Variants in MAPRE2 observed in about 807,000 individuals in gnomAD.
MAPRE2 encodes the protein microtubule associated protein RP/EB family member 2.
A neutral mutation model predicts 43.2 loss-of-function variants in MAPRE2; 13 were observed. That is an observed-to-expected ratio of 0.30 (90% CI 0.20 to 0.48). The LOEUF is 0.48. MAPRE2 is among the 20% of genes least tolerant of loss of function. The probability of loss-of-function intolerance (pLI) is 0.99; values close to 1 mark genes in which losing one functional copy is unlikely to be tolerated. For synonymous variants in MAPRE2, 135 were observed against 148.8 expected (o/e 0.91, Z 0.68); for missense variants, 161 against 400.2 (o/e 0.40, Z 5.10).
At chr18:35,021,092 CA>C in intron 2 of MAPRE2, among the ~76,000 whole-genome samples, 1 of 152,210 alleles carries the variant, frequency 6.6e-6, no homozygotes, top group African/African-American at 2.4e-5. Context: ...TAGGCCATCT[CA>C]AGGGGGCAGA....
chr18:35,041,745 C>G (rs1905380040), intron 1 of MAPRE2, 84 bp downstream of exon 1: 1 of 1,602,198 alleles, frequency 6.2e-7, no homozygotes, highest in Admixed American at 1.7e-5. Flanking sequence ...GGAGCAGACA[C>G]TGCCTGCGAC....
At chr18:34,984,244 G>T (rs1318318663) in intron 1 of MAPRE2, among the ~76,000 whole-genome samples, 2 of 152,126 alleles carry the variant, frequency 1.3e-5, no homozygotes, top group Non-Finnish European at 2.9e-5. Flanking sequence ...TATTGTAAGT[G>T]TTGCTTGTCA....
At chr18:35,118,077 G>T (rs1708332978) in intron 4 of MAPRE2, among the ~76,000 whole-genome samples, 1 of 152,088 alleles carries the variant, frequency 6.6e-6, no homozygotes, top group Non-Finnish European at 1.5e-5. Context: ...AAGTAACTCA[G>T]TATGTGAAGG....
intron 3 of MAPRE2, among the ~76,000 whole-genome samples, chr18:35,098,696 C>T (rs1569002820): frequency 6.6e-6 from 1 of 152,068 alleles, no homozygotes. Flanking sequence ...TATAATACCT[C>T]TTGTGTCTTT....
chr18:35,131,529 G>A (rs1289914526), intron 5 of MAPRE2, among the ~76,000 whole-genome samples: 1 of 152,086 alleles, frequency 6.6e-6, no homozygotes, highest in African/African-American at 2.4e-5. Flanking sequence ...CTGAAAGGAT[G>A]AATAAGCTCG....
chr18:35,071,723 C>T (rs1907125588), intron 2 of MAPRE2, among the ~76,000 whole-genome samples: 1 of 152,210 alleles, frequency 6.6e-6, no homozygotes, highest in Non-Finnish European at 1.5e-5. Context: ...GAGTCCAACA[C>T]CCACCAGTGT....
chr18:34,998,030 G>T (rs566575560), intron 1 of MAPRE2, among the ~76,000 whole-genome samples: 2 of 152,258 alleles, frequency 1.3e-5, no homozygotes, highest in South Asian at 4.1e-4. Flanking sequence ...CAGTGTAATT[G>T]GGGTATCGGC....
intron 1 of MAPRE2, among the ~76,000 whole-genome samples, chr18:35,057,805 A>G (rs943770485): frequency 3.9e-5 from 6 of 152,184 alleles, no homozygotes; most frequent in Non-Finnish European, 5.9e-5. Context: ...ATCATTTCAC[A>G]TGGGAAAAGA....
chr18:35,036,704 T>A, upstream of MAPRE2, among the ~76,000 whole-genome samples: 1 of 152,340 alleles, frequency 6.6e-6, no homozygotes, highest in Middle Eastern at 3.4e-3. Context: ...TAAGAAAACC[T>A]AATATCCAAT....
intron 2 of MAPRE2, among the ~76,000 whole-genome samples, chr18:35,089,534 C>T (rs1603399901): frequency 1.0e-5 from 1 of 96,100 alleles, no homozygotes; most frequent in Admixed American, 9.2e-5. Flanking sequence ...ATACAAATGG[C>T]CTAAAAAGCA....
At chr18:35,020,899 G>A (rs1217853227) in intron 2 of MAPRE2, among the ~76,000 whole-genome samples, 1 of 152,144 alleles carries the variant, frequency 6.6e-6, no homozygotes, top group African/African-American at 2.4e-5. Context: ...AATTGCCATT[G>A]CTGGCACAAG....
At chr18:35,047,720 A>G (rs901391235) in intron 1 of MAPRE2, among the ~76,000 whole-genome samples, 3 of 151,840 alleles carry the variant, frequency 2.0e-5, no homozygotes, top group African/African-American at 7.3e-5. Flanking sequence ...GTTACTTAAA[A>G]AAAAAAAAAA....
intron 2 of MAPRE2, among the ~76,000 whole-genome samples, chr18:35,073,694 C>A (rs1031742596): frequency 2.6e-5 from 4 of 152,076 alleles, no homozygotes; most frequent in African/African-American, 9.7e-5. Context: ...AAGAGATCTC[C>A]CTCCAGCTCA....
intron 2 of MAPRE2, among the ~76,000 whole-genome samples, chr18:35,080,424 C>T (rs1247778594): frequency 6.6e-6 from 1 of 152,154 alleles, no homozygotes; most frequent in Non-Finnish European, 1.5e-5. Context: ...TTTTTCTCAG[C>T]TTACCTGAGT....
At chr18:35,045,792 G>T (rs1397257618) in intron 1 of MAPRE2, among the ~76,000 whole-genome samples, 1 of 152,152 alleles carries the variant, frequency 6.6e-6, no homozygotes, top group Non-Finnish European at 1.5e-5. Context: ...TATCATCTAG[G>T]TTTAATACTG....
chr18:35,007,869 C>T (rs1407610939), intron 2 of MAPRE2, among the ~76,000 whole-genome samples: 1 of 152,048 alleles, frequency 6.6e-6, no homozygotes, highest in Non-Finnish European at 1.5e-5. Context: ...TCCGTGGATT[C>T]CAGATCCGCA....
intron 1 of MAPRE2, among the ~76,000 whole-genome samples, chr18:34,992,605 A>G (rs940313273): frequency 6.6e-6 from 1 of 152,220 alleles, no homozygotes; most frequent in Admixed American, 6.5e-5. Flanking sequence ...ATAATAAAAT[A>G]TAATAGAAAA....
intron 1 of MAPRE2, among the ~76,000 whole-genome samples, chr18:35,053,384 A>T (rs1318298905): frequency 6.6e-6 from 1 of 152,010 alleles, no homozygotes; most frequent in South Asian, 2.1e-4. Flanking sequence ...ACAGAGCGAG[A>T]CTCCATCTCA....
intron 1 of MAPRE2, among the ~76,000 whole-genome samples, chr18:34,997,374 A>G (rs1460831477): frequency 6.6e-6 from 1 of 152,168 alleles, no homozygotes; most frequent in Non-Finnish European, 1.5e-5. Flanking sequence ...AGTGAGGAAG[A>G]TGATTTTTAA....
Sources: gnomAD v4.1 joint callset for allele counts (sites outside exome capture counted in the v4.1 genomes callset) on GRCh38, gnomAD v4.1.1 for gene constraint, MANE v1.5 for transcripts, NCBI Gene and HGNC (gene_info 2026-07-23, HGNC 2026-07-21) for gene names.